MAP4K5: variants seen among roughly 807,000 people sequenced by gnomAD.
The protein encoded by MAP4K5 is mitogen-activated protein kinase kinase kinase kinase 5.
A neutral mutation model predicts 135.6 loss-of-function variants in MAP4K5; 82 were observed. The observed-to-expected ratio is 0.60, with a 90% CI of 0.51 to 0.73. The LOEUF (loss-of-function observed/expected upper bound fraction) is 0.73, where lower values mean the gene tolerates loss of function less well. Ranked by LOEUF, MAP4K5 falls within the 30% of genes least tolerant of loss-of-function variation. The probability of loss-of-function intolerance (pLI) is 0.00; values close to 1 mark genes in which losing one functional copy is unlikely to be tolerated. For missense variants in MAP4K5, 907 were observed against 1,010.9 expected, an observed-to-expected ratio of 0.90 and a Z score of 1.39; for synonymous variants, 347 against 335.0, an observed-to-expected ratio of 1.04 and a Z score of -0.39.
At chr14:50,486,648 AGGCCAG>A (rs1240701671) in intron 3 of MAP4K5, among the ~76,000 whole-genome samples, 7 of 152,312 alleles carry the variant, frequency 4.6e-5, no homozygotes, top group South Asian at 4.1e-4. Context: ...AAGCTACATT[AGGCCAG>A]GCAGGGTGGC....
intron 3 of MAP4K5, among the ~76,000 whole-genome samples, chr14:50,494,009 C>CA (rs1401565216): frequency 1.3e-5 from 2 of 149,556 alleles, no homozygotes; most frequent in Non-Finnish European, 3.0e-5. Flanking sequence ...AAAACAAAAA[C>CA]AAAAAAAAGA....
chr14:50,494,249 C>T (rs1420880794), intron 3 of MAP4K5, among the ~76,000 whole-genome samples: 1 of 151,822 alleles, frequency 6.6e-6, no homozygotes, highest in African/African-American at 2.4e-5. Flanking sequence ...CTCACTGCAA[C>T]CTCCGCCTCC....
chr14:50,497,918 C>T lies in MAP4K5; in HGVS notation c.166+6882G>A, dbSNP rs534847481. On this transcript the variant is annotated intron_variant, in intron 3 of 32. Transcript: ENST00000682126. Reference sequence around the variant, plus strand: ...TAAATTACATCCCTGTAAGCAAGGCCGAAAATATTTAAATAAACTGTAATT... The same window carrying T: ...TAAATTACATCCCTGTAAGCAAGGCTGAAAATATTTAAATAAACTGTAATT... 3.3e-5 allele frequency among the ~76,000 whole-genome samples: 5 copies of T among 151,966 alleles called. No homozygotes were observed. In the South Asian group the frequency reaches 8.3e-4, roughly 25 times the overall value.
chr14:50,552,258 A>T (rs539820650), intron 1 of MAP4K5, among the ~76,000 whole-genome samples: 120 of 147,120 alleles, frequency 8.2e-4, no homozygotes, highest in Non-Finnish European at 1.5e-3. Flanking sequence ...TCCCTTTTAC[A>T]ACAGCTGCAA....
At position 50,554,623 on chromosome 14, in the gene MAP4K5, T is replaced by C. The variant is rs146258810; in HGVS notation, c.-180+6417A>G. The stretch of plus-strand genomic sequence containing the variant: ...GAGCAGGTGTCCCTGAGAACCCAAA[T>C]ATCTCAGATGGTATCTGAGAACTTA... On this transcript the variant is annotated intron_variant, in intron 1 of 8. Transcript: ENST00000555216. Among the ~76,000 whole-genome samples the C allele has an allele frequency of 1.9e-3, 289 of 152,308 alleles. 1 individual carries two copies. The Middle Eastern group carries it at 0.037, about 20-fold the overall frequency.
intron 1 of MAP4K5, among the ~76,000 whole-genome samples, chr14:50,545,273 C>T (rs1416095702): frequency 1.3e-5 from 2 of 152,224 alleles, no homozygotes; most frequent in African/African-American, 4.8e-5. Flanking sequence ...AACTCATCTA[C>T]TTGCCAATCT....
At chr14:50,452,119 C>T (rs1229054085) in intron 14 of MAP4K5, among the ~76,000 whole-genome samples, 2 of 152,122 alleles carry the variant, frequency 1.3e-5, no homozygotes, top group African/African-American at 4.8e-5. Context: ...TTTAAGCTGG[C>T]TGGGCTAAGT....
intron 3 of MAP4K5, among the ~76,000 whole-genome samples, chr14:50,492,070 A>G (rs141883633): frequency 6.6e-5 from 10 of 152,348 alleles, no homozygotes; most frequent in Admixed American, 2.6e-4. Flanking sequence ...TTCATCAAAT[A>G]TCAACTGGTT....
At chr14:50,510,955 T>G (rs1257384654) in intron 2 of MAP4K5, among the ~76,000 whole-genome samples, 2 of 152,172 alleles carry the variant, frequency 1.3e-5, no homozygotes, top group Non-Finnish European at 2.9e-5. Context: ...CTCCTTGGCA[T>G]GTACCCAACT....
intron 1 of MAP4K5, chr14:50,559,170 T>A (rs541654845): frequency 1.8e-4 from 28 of 152,332 alleles, no homozygotes; most frequent in Admixed American, 1.1e-3. Context: ...TGAGAGAGTG[T>A]AGCGTGAGGA....
intron 6 of MAP4K5, among the ~76,000 whole-genome samples, chr14:50,477,877 G>C (rs1278146937): frequency 1.3e-5 from 2 of 151,978 alleles, no homozygotes; most frequent in Non-Finnish European, 2.9e-5. Context: ...TATTTTTAAT[G>C]TTTGCACCTA....
At chr14:50,467,205 G>A (rs571190720) in intron 10 of MAP4K5, among the ~76,000 whole-genome samples, 120 of 152,066 alleles carry the variant, frequency 7.9e-4, no homozygotes, top group African/African-American at 2.7e-3. Context: ...GTGGGCTATG[G>A]GGGTAGTATG....
intron 2 of MAP4K5, among the ~76,000 whole-genome samples, chr14:50,528,742 T>C (rs1364076614): frequency 6.6e-6 from 1 of 152,056 alleles, no homozygotes; most frequent in Non-Finnish European, 1.5e-5. Flanking sequence ...ATTATCTGAG[T>C]AGAACAGTGG....
At chr14:50,521,692 A>G (rs1194372059) in intron 2 of MAP4K5, among the ~76,000 whole-genome samples, 4 of 152,218 alleles carry the variant, frequency 2.6e-5, no homozygotes, top group Non-Finnish European at 2.9e-5. Context: ...TCACTAGCCC[A>G]AACACCTCCA....
intron 2 of MAP4K5, among the ~76,000 whole-genome samples, chr14:50,531,605 T>C (rs1426691580): frequency 1.3e-5 from 2 of 152,330 alleles, no homozygotes; most frequent in East Asian, 3.9e-4. Context: ...CATGAAGCAT[T>C]TTTCCATGCT....
intron 3 of MAP4K5, among the ~76,000 whole-genome samples, chr14:50,488,631 A>T (rs2037418767): frequency 6.6e-6 from 1 of 152,186 alleles, no homozygotes; most frequent in Non-Finnish European, 1.5e-5. Context: ...AACTCTTGGT[A>T]GTAGTTTGAG....
At chr14:50,459,697 C>T (rs2036667269) in intron 13 of MAP4K5, among the ~76,000 whole-genome samples, 1 of 142,286 alleles carries the variant, frequency 7.0e-6, no homozygotes, top group African/African-American at 2.5e-5. Context: ...TTCTTTCTTT[C>T]TCTTTTTTTT....
At position 50,462,769 on chromosome 14, in the gene MAP4K5, C is replaced by T. The variant is rs757832429; in HGVS notation, c.832G>A (p.Ala278Thr). The T allele has an allele frequency of 2.2e-5, 36 of 1,606,294 alleles. No individual in the cohort carries two copies. The highest frequency in any genetic ancestry group is 2.9e-5 in the Non-Finnish European group (34 of 1,174,436). ...AERLLTHTFV[A>T]QPGLSRALAV... ...AGGGCTCTAGAGAGACCTGGCTGTG[C>T]AACAAAAGTGTGCTAAAAGACAACA... Residue 278 changes from alanine (A) to threonine (T), a missense_variant, in exon 13 of 33, where the codon GCA (alanine) becomes ACA (threonine). Transcript: ENST00000682126.
intron 2 of MAP4K5, among the ~76,000 whole-genome samples, chr14:50,528,310 G>A (rs927080158): frequency 6.6e-6 from 1 of 151,484 alleles, no homozygotes; most frequent in African/African-American, 2.4e-5. Flanking sequence ...CTTCAGAGGG[G>A]ATCTGTGGTA....
Sources: allele counts gnomAD v4.1 joint callset (sites outside exome capture counted in the v4.1 genomes callset), GRCh38; gene constraint gnomAD v4.1.1; transcripts MANE v1.5; gene names NCBI Gene and HGNC (gene_info 2026-07-23, HGNC 2026-07-21).